The following RASGRF2 variants were observed in gnomAD, a reference collection of about 807,000 sequenced individuals.
The protein encoded by RASGRF2 is Ras protein specific guanine nucleotide releasing factor 2.
RASGRF2 carries 76 observed loss-of-function variants against 151.0 expected under a neutral mutation model. The ratio of observed to expected loss-of-function variants is 0.50; its 90% CI spans 0.42 to 0.61. RASGRF2 has a LOEUF of 0.61. Ranked by LOEUF, RASGRF2 falls within the 20% of genes least tolerant of loss-of-function variation. RASGRF2 has a pLI of 0.00. For missense variants in RASGRF2, 1,148 were observed against 1,564.6 expected, an observed-to-expected ratio of 0.73 and a Z score of 4.49; for synonymous variants, 504 against 566.5, an observed-to-expected ratio of 0.89 and a Z score of 1.57.
At chr5:81,191,970 C>T (rs1443637627) in intron 18 of RASGRF2, among the ~76,000 whole-genome samples, 1 of 152,210 alleles carries the variant, frequency 6.6e-6, no homozygotes, top group Non-Finnish European at 1.5e-5. Flanking sequence ...TCTAACATAT[C>T]TTCCACATTT....
At chr5:81,217,588 T>C (rs1755770386) in intron 25 of RASGRF2, 115 bp downstream of exon 25, 3 of 945,704 alleles carry the variant, frequency 3.2e-6, no homozygotes. Flanking sequence ...TTTTTTTTTT[T>C]TTTTTTTTTG....
intron 1 of RASGRF2, among the ~76,000 whole-genome samples, chr5:80,999,764 G>A (rs977906604): frequency 3.3e-5 from 5 of 152,276 alleles, no homozygotes; most frequent in African/African-American, 9.6e-5. Flanking sequence ...TTAATGAAGA[G>A]CTTTCTGCGT....
intron 26 of RASGRF2, among the ~76,000 whole-genome samples, chr5:81,223,060 A>G (rs2112754102): frequency 6.6e-6 from 1 of 152,358 alleles, no homozygotes; most frequent in African/African-American, 2.4e-5. Context: ...AACAGGAAAT[A>G]TGTAAGACCT....
intron 2 of RASGRF2, among the ~76,000 whole-genome samples, chr5:81,063,773 A>G (rs1751513780): frequency 6.6e-6 from 1 of 152,124 alleles, no homozygotes; most frequent in South Asian, 2.1e-4. Context: ...CCATTGAGCT[A>G]TAAAATTTTA....
intron 16 of RASGRF2, 36 bp from the exon 17 acceptor site, chr5:81,127,038 C>T (rs2112571818): frequency 6.3e-7 from 1 of 1,597,070 alleles, no homozygotes; most frequent in Non-Finnish European, 8.6e-7. Flanking sequence ...ATCCATTTGC[C>T]TCACCATTCC....
chr5:81,168,309 CTTTTT>C (rs70994426), intron 17 of RASGRF2, among the ~76,000 whole-genome samples: 3 of 115,994 alleles, frequency 2.6e-5, no homozygotes, highest in African/African-American at 1.0e-4. Flanking sequence ...TTTTTCTTCT[CTTTTT>C]TTTTTTTTTT....
chr5:81,201,287 C>A (rs1472521572), intron 18 of RASGRF2, 43 bp from the exon 19 acceptor site: 4 of 1,587,868 alleles, frequency 2.5e-6, no homozygotes, highest in Non-Finnish European at 3.4e-6. Context: ...TAGAGCTAAC[C>A]CTTTCAAAGC....
chr5:81,139,159 T>C (rs1753824212), intron 17 of RASGRF2, among the ~76,000 whole-genome samples: 1 of 152,180 alleles, frequency 6.6e-6, no homozygotes, highest in Non-Finnish European at 1.5e-5. Flanking sequence ...TTTGGTGTTA[T>C]TGTGAATAGA....
At position 81,080,194 on chromosome 5, in the gene RASGRF2, A is replaced by C; in HGVS notation, c.961A>C (p.Ile321Leu). ...AAGGATAGCAAACTGGCCCACTTTAATTTTAGGTAAGTGCATTCTTTAAAG... is the reference window on the plus strand; with the variant it reads ...AAGGATAGCAAACTGGCCCACTTTACTTTTAGGTAAGTGCATTCTTTAAAG... ...KARIANWPTL[I>L]LADLFDILLP... Residue 321 changes from isoleucine to leucine, a missense_variant, in exon 6 of 27, where the codon ATT becomes CTT. This residue lies in a region of RASGRF2 where 176 missense variants were observed against 309.6 expected (regional missense o/e 0.57). Coordinates refer to ENST00000265080, the MANE Select transcript of RASGRF2 (RefSeq NM_006909.3). The C allele has an allele frequency of 1.7e-5, 27 of 1,596,922 alleles. No individual in the cohort carries two copies. The highest frequency in any genetic ancestry group is 2.3e-5 in the Non-Finnish European group (27 of 1,176,436).
intron 23 of RASGRF2, 152 bp downstream of exon 23, chr5:81,212,715 C>G (rs1438818751): frequency 1.7e-5 from 12 of 697,986 alleles, no homozygotes; most frequent in Non-Finnish European, 2.7e-5. Flanking sequence ...TTACAGGGCT[C>G]TTACCACTTA....
At chr5:80,998,091 G>T (rs12655228) in intron 1 of RASGRF2, 12,730 of 152,170 alleles carry the variant, frequency 0.084, 867 homozygotes, top group East Asian at 0.27. Context: ...TGGTGCCAAA[G>T]GAGGGCTTTG....
chr5:80,986,519 A>C (rs557469358), intron 1 of RASGRF2, among the ~76,000 whole-genome samples: 6 of 152,234 alleles, frequency 3.9e-5, no homozygotes, highest in Non-Finnish European at 7.3e-5. Context: ...TGAAAGAAGG[A>C]AAGTAGGAGA....
At chr5:81,101,240 A>T (rs1180614367) in intron 12 of RASGRF2, among the ~76,000 whole-genome samples, 2 of 152,248 alleles carry the variant, frequency 1.3e-5, no homozygotes, top group Non-Finnish European at 2.9e-5. Flanking sequence ...TACAGGCACC[A>T]CTTCTTCCCA....
chr5:81,080,708 C>T lies in RASGRF2; in HGVS notation c.1080C>T (p.Asp360=). 1 of 1,614,184 alleles carries T rather than the reference C, an allele frequency of 6.2e-7. No homozygotes were observed. The change falls in exon 7 of 27, where the codon GAC becomes GAT. Residue 360 remains aspartate, a synonymous_variant. Transcript: ENST00000265080. ...ATTGTAAGCAAAACAGAGATTTTGA[C>T]AAACTCTTAAAACAGTATGAAGCCA... ...LANCKQNRDF[D]KLLKQYEANP... is the part of the protein sequence containing the mutation.
At chr5:80,995,379 C>CATATATATATATATATATATAT (rs751207758) in intron 1 of RASGRF2, among the ~76,000 whole-genome samples, 8 of 132,266 alleles carry the variant, frequency 6.0e-5, no homozygotes, top group African/African-American at 2.1e-4. Context: ...AATGGAATTT[C>CATATATATATATATATATATAT]ATATATATAT....
intron 2 of RASGRF2, among the ~76,000 whole-genome samples, chr5:81,067,283 A>G (rs1028233449): frequency 1.3e-5 from 2 of 152,214 alleles, no homozygotes; most frequent in African/African-American, 2.4e-5. Flanking sequence ...AAGAATATCC[A>G]TTTCATCATC....
intron 1 of RASGRF2, among the ~76,000 whole-genome samples, chr5:81,026,152 C>G (rs1580219901): frequency 1.8e-5 from 2 of 111,854 alleles, no homozygotes. Context: ...TCCATCCTTC[C>G]TCCCTCCCTC....
intron 1 of RASGRF2, among the ~76,000 whole-genome samples, chr5:81,002,305 A>G (rs2112292053): frequency 6.6e-6 from 1 of 152,180 alleles, no homozygotes; most frequent in East Asian, 1.9e-4. Flanking sequence ...TCCCTCCTGC[A>G]GTTGTATGCT....
chr5:81,090,647 G>T (rs1433946073), intron 9 of RASGRF2, among the ~76,000 whole-genome samples: 1 of 151,944 alleles, frequency 6.6e-6, no homozygotes, highest in Non-Finnish European at 1.5e-5. Flanking sequence ...CTTCTACTTG[G>T]ATATAAGGTA....
Sources: allele counts gnomAD v4.1 joint callset (sites outside exome capture counted in the v4.1 genomes callset), GRCh38; gene constraint gnomAD v4.1.1; regional missense constraint gnomAD v4.1.1; transcripts MANE v1.5; gene names NCBI Gene and HGNC (gene_info 2026-07-23, HGNC 2026-07-21).